Variants in PPP2R1B observed in about 807,000 individuals in gnomAD.
The protein encoded by PPP2R1B is protein phosphatase 2 scaffold subunit Abeta.
A neutral mutation model predicts 72.7 loss-of-function variants in PPP2R1B; 58 were observed. That is an observed-to-expected ratio of 0.80 (90% CI 0.65 to 0.99). The LOEUF (loss-of-function observed/expected upper bound fraction) is 0.99. Among genes scored for constraint, PPP2R1B ranks in the 50% least tolerant of loss-of-function variants. The pLI is 0.00. For synonymous variants in PPP2R1B, 256 were observed against 264.6 expected (o/e 0.97, Z 0.32); for missense variants, 695 against 733.6 (o/e 0.95, Z 0.61).
the PPP2R1B span, chr11:111,720,881 C>CTTGGTGCT: frequency 6.2e-7 from 1 of 1,611,890 alleles, no homozygotes; most frequent in South Asian, 1.1e-5. Flanking sequence ...ACTGTTTGGT[C>CTTGGTGCT]TTGGTGCTTT....
At chr11:111,735,018 A>C (rs190793136), downstream of PPP2R1B, among the ~76,000 whole-genome samples, 1 of 152,358 alleles carries the variant, frequency 6.6e-6, no homozygotes, top group East Asian at 1.9e-4. Flanking sequence ...CGAAAGGCAC[A>C]AGTCAGAGAC....
rs781959219 is a variant in PPP2R1B, at chr11:111,752,152, T to C, written c.1338+7A>G. 12 of 1,602,460 alleles carry C rather than the reference T, an allele frequency of 7.5e-6. No individual in the cohort carries two copies. The East Asian group carries it at 2.5e-4, about 33-fold the overall frequency. On this transcript the variant is annotated splice_region_variant and intron_variant, in intron 10 of 14. Coordinates refer to ENST00000527614, the MANE Select transcript of PPP2R1B (RefSeq NM_002716.5). ...ACCCTGCAGTTCATGGAGCAACACA[T>C]ACTCACCAGCTGGCCTGCCAGCAGC...
the PPP2R1B span, among the ~76,000 whole-genome samples, chr11:111,711,557 C>T: frequency 1.3e-5 from 2 of 152,242 alleles, no homozygotes; most frequent in Admixed American, 6.5e-5. Flanking sequence ...TTGCAGTAAG[C>T]GTAGCTTGCA....
the PPP2R1B span, among the ~76,000 whole-genome samples, chr11:111,713,347 AAC>A: frequency 2.0e-5 from 3 of 152,166 alleles, no homozygotes; most frequent in Admixed American, 6.5e-5. Context: ...TGTCATAGAA[AAC>A]ACAGGTCTTG....
chr11:111,716,999 C>T, the PPP2R1B span, among the ~76,000 whole-genome samples: 2 of 152,078 alleles, frequency 1.3e-5, no homozygotes, highest in African/African-American at 2.4e-5. Flanking sequence ...AGACCTCATA[C>T]AGCCAACAAA....
chr11:111,695,654 T>C, the PPP2R1B span, among the ~76,000 whole-genome samples: 1 of 152,236 alleles, frequency 6.6e-6, no homozygotes, highest in Non-Finnish European at 1.5e-5. Context: ...AAATGCAGAA[T>C]CTGAGGCCCA....
rs782707375 is a variant in PPP2R1B, at chr11:111,752,324, G to C, written c.1173C>G (p.Asp391Glu). ...AATTGGAGATGATATTCAAACGAAC[G>C]TCAGGACACTGCAAGTACACAAGCC... ...FLAQLKDECP[D>E]VRLNIISNLD... Residue 391 changes from aspartate (D) to glutamate (E), a missense_variant, in exon 10 of 15, where the codon GAC becomes GAG. By Grantham distance (45) the Asp-to-Glu change is conservative (BLOSUM62 2). Coordinates refer to ENST00000527614, the MANE Select transcript of PPP2R1B (RefSeq NM_002716.5). 31 of 1,608,648 alleles carry C rather than the reference G, an allele frequency of 1.9e-5. No homozygotes were observed. Among genetic ancestry groups the C allele is most frequent in the Non-Finnish European group, 2.6e-5 (31 of 1,177,514 alleles).
chr11:111,702,636 CAGG>C, the PPP2R1B span, among the ~76,000 whole-genome samples: 1 of 152,152 alleles, frequency 6.6e-6, no homozygotes, highest in Non-Finnish European at 1.5e-5. Flanking sequence ...CATATAGTGA[CAGG>C]AGGTTACCTT....
the PPP2R1B span, among the ~76,000 whole-genome samples, chr11:111,688,995 G>GAGTCAGGGAAGCTTCACAA: frequency 6.6e-6 from 1 of 152,208 alleles, no homozygotes; most frequent in Non-Finnish European, 1.5e-5. This position sits in a 1 kb window ranked among gnomAD's most constrained non-coding sequence, Gnocchi z 4.2. Context: ...TCTACCTGAA[G>GAGTCAGGGAAGCTTCACAA]AGTCAGGGAA....
At position 111,755,445 on chromosome 11, in the gene PPP2R1B, T is replaced by G; in HGVS notation, c.693A>C (p.Ser231=). Residue 231 remains serine, a synonymous_variant, in exon 6 of 15, where the codon TCA becomes TCC. Coordinates refer to ENST00000527614, the MANE Select transcript of PPP2R1B (RefSeq NM_002716.5). Reference sequence around the variant, plus strand: ...AAGCTTCCACAGCAAGGAGGCGCACTGAATCCTAAAGGAACAAAATTTCTG... The same window carrying G: ...AAGCTTCCACAGCAAGGAGGCGCACGGAATCCTAAAGGAACAAAATTTCTG... ...FTSLASDEQD[S]VRLLAVEACV... The G allele has an allele frequency of 1.2e-6, 2 of 1,601,706 alleles. No individual in the cohort carries two copies. The highest frequency in any genetic ancestry group is 4.5e-5 in the East Asian group (2 of 44,810).
At chr11:111,757,948 T>G (rs1555050195) in intron 5 of PPP2R1B, among the ~76,000 whole-genome samples, 1 of 152,156 alleles carries the variant, frequency 6.6e-6, no homozygotes, top group East Asian at 1.9e-4. Flanking sequence ...ATCCACCCAG[T>G]TGCTCAAGCA....
chr11:111,747,593 A>G (rs559739613), intron 11 of PPP2R1B, among the ~76,000 whole-genome samples: 80 of 152,282 alleles, frequency 5.3e-4, no homozygotes, highest in African/African-American at 1.9e-3. Flanking sequence ...TCTGATTCCA[A>G]TCTCCATACA....
chr11:111,723,974 G>C (rs747733489), downstream of PPP2R1B: 8 of 1,613,988 alleles, frequency 5.0e-6, no homozygotes, highest in African/African-American at 8.0e-5. Context: ...CCAGCAGAGC[G>C]ACCTAACGGG....
the PPP2R1B span, among the ~76,000 whole-genome samples, chr11:111,702,102 C>T: frequency 6.6e-6 from 1 of 152,156 alleles, no homozygotes; most frequent in East Asian, 1.9e-4. Flanking sequence ...GAAATAATAA[C>T]TCTTCATAGT....
chr11:111,742,006 C>T, intron 14 of PPP2R1B, 47 bp downstream of exon 14: 3 of 1,455,618 alleles, frequency 2.1e-6, no homozygotes, highest in Non-Finnish European at 2.9e-6. Context: ...AGATAAATCC[C>T]AGTTAACCAA....
chr11:111,705,176 G>A, the PPP2R1B span: 1 of 1,497,286 alleles, frequency 6.7e-7, no homozygotes, highest in South Asian at 1.4e-5. This position sits in a 1 kb window ranked among gnomAD's most constrained non-coding sequence, Gnocchi z 4.3. Context: ...ATCTGTGCAT[G>A]TGCCTGTTCA....
chr11:111,700,615 C>CATT, the PPP2R1B span, among the ~76,000 whole-genome samples: 1 of 152,176 alleles, frequency 6.6e-6, no homozygotes, highest in African/African-American at 2.4e-5. Flanking sequence ...TTTTCTTTCA[C>CATT]ATGATATAAA....
the PPP2R1B span, among the ~76,000 whole-genome samples, chr11:111,720,257 C>G: frequency 6.6e-6 from 1 of 152,142 alleles, no homozygotes; most frequent in Non-Finnish European, 1.5e-5. Flanking sequence ...GACTCTGGCT[C>G]TTTTGGACTG....
chr11:111,747,807 T>C, intron 11 of PPP2R1B, 147 bp downstream of exon 11: 1 of 640,374 alleles, frequency 1.6e-6, no homozygotes, highest in Non-Finnish European at 2.5e-6. Flanking sequence ...AAATTTATAT[T>C]CAGAAGATTA....
Sources: allele counts gnomAD v4.1 joint callset (sites outside exome capture counted in the v4.1 genomes callset), GRCh38; gene constraint gnomAD v4.1.1; non-coding constraint Gnocchi (gnomAD v3.1); transcripts MANE v1.5; gene names NCBI Gene and HGNC (gene_info 2026-07-23, HGNC 2026-07-21).